RANGAP1: variants seen among roughly 807,000 people sequenced by gnomAD.
The protein encoded by RANGAP1 is Ran GTPase activating protein 1.
Under a neutral mutation model 63.5 loss-of-function variants are expected in RANGAP1, and 38 were observed. The observed-to-expected ratio is 0.60, with a 90% CI of 0.46 to 0.78. RANGAP1 has a LOEUF of 0.78. Among genes scored for constraint, RANGAP1 ranks in the 30% least tolerant of loss-of-function variants. The pLI, the probability that RANGAP1 is intolerant of heterozygous loss-of-function variation, is 0.00. For synonymous variants in RANGAP1, 329 were observed against 310.5 expected, an observed-to-expected ratio of 1.06 and a Z score of -0.63; for missense variants, 630 against 740.3, an observed-to-expected ratio of 0.85 and a Z score of 1.73.
At position 41,251,043 on chromosome 22, in the gene RANGAP1, C is replaced by T. The variant is rs746265231; in HGVS notation, c.1447G>A (p.Glu483Lys). The T allele has an allele frequency of 8.1e-6, 13 of 1,614,064 alleles. No individual in the cohort carries two copies. Among genetic ancestry groups the T allele is most frequent in the African/African-American group, 5.3e-5 (4 of 74,928 alleles). The change falls in exon 13 of 16, where the codon GAA becomes AAA. Residue 483 changes from glutamate (E) to lysine (K), a missense_variant. Coordinates refer to ENST00000356244, the MANE Select transcript of RANGAP1 (RefSeq NM_002883.4). ...FLKVSSVFKD[E>K]ATVRMAVQDA... Reference sequence around the variant, plus strand: ...TGCACTGCCATCCTCACAGTAGCTTCGTCCTTGAACACAGATGACACCTTT... The same window carrying T: ...TGCACTGCCATCCTCACAGTAGCTTTGTCCTTGAACACAGATGACACCTTT...
chr22:41,249,875 G>A, intron 13 of RANGAP1, 58 bp from the exon 14 acceptor site: 1 of 1,501,054 alleles, frequency 6.7e-7, no homozygotes, highest in Non-Finnish European at 9.3e-7. Flanking sequence ...CTGGGCCAAG[G>A]CACCCAGGGT....
intron 1 of RANGAP1, among the ~76,000 whole-genome samples, chr22:41,284,454 C>A (rs2035653819): frequency 6.6e-6 from 1 of 151,958 alleles, no homozygotes; most frequent in Admixed American, 6.6e-5. Flanking sequence ...GTAATCCCAG[C>A]TACTCAGGAG....
chr22:41,291,596 T>TAAAAAA, the RANGAP1 span, among the ~76,000 whole-genome samples: 1 of 106,078 alleles, frequency 9.4e-6, no homozygotes, highest in Non-Finnish European at 1.8e-5. Context: ...AGATCCATCT[T>TAAAAAA]AAAAAAAAAA....
the RANGAP1 span, among the ~76,000 whole-genome samples, chr22:41,299,003 GAGAT>G: frequency 6.6e-6 from 1 of 152,278 alleles, no homozygotes; most frequent in Non-Finnish European, 1.5e-5. Flanking sequence ...CTGGCAGAGA[GAGAT>G]AATCTCCCCA....
the RANGAP1 span, among the ~76,000 whole-genome samples, chr22:41,293,356 G>A: frequency 6.6e-6 from 1 of 152,038 alleles, no homozygotes; most frequent in Admixed American, 6.6e-5. Context: ...AGGCTGAAGC[G>A]AGCTGTGATC....
intron 3 of RANGAP1, among the ~76,000 whole-genome samples, chr22:41,268,476 A>C (rs2034611478): frequency 6.6e-6 from 1 of 151,886 alleles, no homozygotes; most frequent in African/African-American, 2.4e-5. Context: ...GCTGGACTTG[A>C]ACTCCCGACC....
intron 10 of RANGAP1, 43 bp from the exon 11 acceptor site, chr22:41,254,537 G>T: frequency 6.5e-7 from 1 of 1,536,582 alleles, no homozygotes. Context: ...CTACCCAGCA[G>T]CCCAGGTTGG....
chr22:41,258,183 C>T (rs913342817), intron 6 of RANGAP1, 77 bp from the exon 7 acceptor site: 35 of 1,483,510 alleles, frequency 2.4e-5, no homozygotes, highest in Non-Finnish European at 3.0e-5. Flanking sequence ...CAATTCCACA[C>T]AGCAGGCACA....
At chr22:41,266,062 C>G (rs926943140) in intron 4 of RANGAP1, among the ~76,000 whole-genome samples, 2 of 152,146 alleles carry the variant, frequency 1.3e-5, no homozygotes, top group Non-Finnish European at 2.9e-5. Context: ...ATTAGCCGGG[C>G]ATGGTGGCGG....
At chr22:41,289,609 G>T (rs189938119), upstream of RANGAP1, among the ~76,000 whole-genome samples, 1 of 151,984 alleles carries the variant, frequency 6.6e-6, no homozygotes. Context: ...GGCAACAAGA[G>T]CAAAATTCTG....
rs143241791 is a variant in RANGAP1 at position 41,256,475 on chromosome 22, C to T, written c.889-185G>A. 3.3e-5 allele frequency among the ~76,000 whole-genome samples: 5 copies of T among 152,330 alleles called. No homozygotes were observed. The East Asian group carries it at 9.6e-4, about 29-fold the overall frequency. ...CCTGCAGCCAACGATGAGTCACGTA[C>T]TGTGTTTACTTAAATCACAAGACAG... On this transcript the variant is annotated intron_variant, in intron 8 of 15. Coordinates refer to ENST00000356244, the MANE Select transcript of RANGAP1 (RefSeq NM_002883.4).
the RANGAP1 span, among the ~76,000 whole-genome samples, chr22:41,292,520 G>A: frequency 6.6e-6 from 1 of 152,064 alleles, no homozygotes; most frequent in Admixed American, 6.6e-5. Flanking sequence ...CAGGACTTTG[G>A]GAGGCCGAGG....
At chr22:41,253,329 T>A (rs772206333) in intron 11 of RANGAP1, among the ~76,000 whole-genome samples, 1 of 152,144 alleles carries the variant, frequency 6.6e-6, no homozygotes, top group Admixed American at 6.5e-5. Context: ...TGGGTCCCCG[T>A]AGAACTACAG....
At chr22:41,278,299 A>G (rs987187761) in intron 2 of RANGAP1, among the ~76,000 whole-genome samples, 9 of 152,182 alleles carry the variant, frequency 5.9e-5, no homozygotes, top group African/African-American at 1.7e-4. Context: ...TCGGCCTCCC[A>G]AAGTGCTGGG....
intron 4 of RANGAP1, among the ~76,000 whole-genome samples, chr22:41,266,216 A>C (rs919591367): frequency 7.0e-6 from 1 of 143,764 alleles, no homozygotes; most frequent in Non-Finnish European, 1.5e-5. Context: ...AAAAAAAAAA[A>C]GCCTAGCCCC....
chr22:41,273,536 G>A (rs996959131), intron 3 of RANGAP1, among the ~76,000 whole-genome samples: 1 of 151,978 alleles, frequency 6.6e-6, no homozygotes, highest in Non-Finnish European at 1.5e-5. Flanking sequence ...GGGAGGCCAA[G>A]GCAGACAAAT....
intron 3 of RANGAP1, among the ~76,000 whole-genome samples, chr22:41,269,995 A>G (rs547744415): frequency 4.9e-4 from 74 of 152,050 alleles, no homozygotes; most frequent in Admixed American, 2.4e-3. Context: ...TACCACGCCC[A>G]GCTAATTTTT....
At chr22:41,281,978 G>C (rs967930253) in intron 1 of RANGAP1, 1 of 152,170 alleles carries the variant, frequency 6.6e-6, no homozygotes, top group Non-Finnish European at 1.5e-5. Context: ...AATACAATTA[G>C]CAGGGTATGG....
chr22:41,300,426 ACT>A, the RANGAP1 span, among the ~76,000 whole-genome samples: 1 of 48,754 alleles, frequency 2.1e-5, no homozygotes, highest in East Asian at 4.0e-4. Context: ...GGTATTGGGA[ACT>A]CACACACACA....
Sources: allele counts gnomAD v4.1 joint callset (sites outside exome capture counted in the v4.1 genomes callset), GRCh38; gene constraint gnomAD v4.1.1; transcripts MANE v1.5; gene names NCBI Gene and HGNC (gene_info 2026-07-23, HGNC 2026-07-21).